UBE2D2: variants seen among roughly 807,000 people sequenced by gnomAD.
UBE2D2 encodes ubiquitin conjugating enzyme E2 D2.
Under a neutral mutation model 24.2 loss-of-function variants are expected in UBE2D2, and 2 were observed. The observed-to-expected ratio is 0.08, with a 90% confidence interval of 0.03 to 0.26. The LOEUF is 0.26. Ranked by LOEUF, UBE2D2 falls within the 10% of genes least tolerant of loss-of-function variation. The pLI, the probability that UBE2D2 is intolerant of heterozygous loss-of-function variation, is 1.00. For missense variants in UBE2D2, 44 were observed against 177.6 expected (o/e 0.25, Z 4.28); for synonymous variants, 58 against 56.5 (o/e 1.03, Z -0.12).
chr5:139,616,189 G>A (rs1273148505), intron 5 of UBE2D2, among the ~76,000 whole-genome samples: 1 of 151,282 alleles, frequency 6.6e-6, no homozygotes, highest in Non-Finnish European at 1.5e-5. Context: ...GCCTGGCACG[G>A]TGGCTCACGC....
chr5:139,591,024 T>A (rs1227408216), intron 1 of UBE2D2, among the ~76,000 whole-genome samples: 2 of 148,420 alleles, frequency 1.3e-5, no homozygotes, highest in African/African-American at 2.5e-5. Flanking sequence ...CTCGAACTCC[T>A]GACCTCAGGT....
At chr5:139,535,290 C>CAA (rs527336000) in intron 1 of UBE2D2, among the ~76,000 whole-genome samples, 5,072 of 76,436 alleles carry the variant, frequency 0.066, 114 homozygotes, top group Middle Eastern at 0.13. Flanking sequence ...ACTAAAAATA[C>CAA]AAAAAAAAAA....
intron 1 of UBE2D2, 42 bp downstream of exon 1, chr5:139,561,857 A>C: frequency 6.8e-7 from 1 of 1,461,670 alleles, no homozygotes; most frequent in Non-Finnish European, 9.0e-7. Context: ...CCAGCTGAGC[A>C]GGCTGCGGCC....
intron 1 of UBE2D2, among the ~76,000 whole-genome samples, chr5:139,579,165 G>T (rs1290409010): frequency 6.6e-6 from 1 of 151,288 alleles, no homozygotes; most frequent in African/African-American, 2.4e-5. Flanking sequence ...AAATTTTTTT[G>T]AGATGGAGTT....
intron 1 of UBE2D2, among the ~76,000 whole-genome samples, chr5:139,586,372 A>G (rs1358542101): frequency 6.6e-6 from 1 of 152,174 alleles, no homozygotes; most frequent in Non-Finnish European, 1.5e-5. Context: ...TAACAGTGAT[A>G]GACCTTATTC....
chr5:139,532,008 T>C (rs74803899), intron 1 of UBE2D2, among the ~76,000 whole-genome samples: 8,875 of 151,718 alleles, frequency 0.058, 301 homozygotes, highest in South Asian at 0.11. Flanking sequence ...TAATTATGCA[T>C]GACCTCATTT....
chr5:139,531,321 G>T lies in UBE2D2; in HGVS notation c.-64+4709G>T, dbSNP rs546571721. 2.0e-5 allele frequency among the ~76,000 whole-genome samples: 3 copies of T among 152,286 alleles called. No individual in the cohort carries two copies. In the South Asian group the frequency reaches 6.2e-4, roughly 32 times the overall value. On this transcript the variant is annotated intron_variant, in intron 1 of 6. Transcript: ENST00000511725. The stretch of plus-strand genomic sequence containing the variant: ...ATAGAAGAACATTGTGAAATTCCCT[G>T]CCCTGTTCTGTTTCTCTCTGACCAC...
chr5:139,624,082 C>T (rs931109920), intron 6 of UBE2D2, among the ~76,000 whole-genome samples: 1 of 152,140 alleles, frequency 6.6e-6, no homozygotes, highest in African/African-American at 2.4e-5. Flanking sequence ...GCCCATTTGC[C>T]TGCCATAGGT....
intron 1 of UBE2D2, among the ~76,000 whole-genome samples, chr5:139,588,248 G>GTT (rs1206193414): frequency 2.0e-5 from 3 of 147,008 alleles, no homozygotes; most frequent in African/African-American, 5.0e-5. Flanking sequence ...CTTGTTTAGC[G>GTT]TTTTTTTTTT....
chr5:139,617,646 T>A (rs1754444360), intron 5 of UBE2D2, among the ~76,000 whole-genome samples: 1 of 152,166 alleles, frequency 6.6e-6, no homozygotes, highest in Non-Finnish European at 1.5e-5. Context: ...TGCATGTATT[T>A]AGACAGGAAG....
intron 1 of UBE2D2, among the ~76,000 whole-genome samples, chr5:139,566,767 A>G (rs62385332): frequency 2.0e-5 from 3 of 152,168 alleles, no homozygotes; most frequent in Non-Finnish European, 4.4e-5. Context: ...AGGGAGCTAG[A>G]AAATGCATGT....
intron 1 of UBE2D2, among the ~76,000 whole-genome samples, chr5:139,576,700 C>T (rs528198457): frequency 1.5e-4 from 23 of 152,024 alleles, no homozygotes; most frequent in Non-Finnish European, 2.8e-4. Flanking sequence ...GTAGATGATA[C>T]TTGATTAAAT....
chr5:139,529,115 A>G (rs1486215349), intron 1 of UBE2D2, among the ~76,000 whole-genome samples: 2 of 152,174 alleles, frequency 1.3e-5, no homozygotes, highest in Non-Finnish European at 2.9e-5. Context: ...AAAGATTGCT[A>G]CAGTCATATT....
At position 139,612,899 on chromosome 5, in the gene UBE2D2, T is replaced by C. The variant is rs150941983; in HGVS notation, c.89-1687T>C. ...AAGTCATCCTCCCATCTCAGCCTCCTGAGTAGGTGGGACTACAGGTGCCCA... is the reference window on the plus strand; with the variant it reads ...AAGTCATCCTCCCATCTCAGCCTCCCGAGTAGGTGGGACTACAGGTGCCCA... On this transcript the variant is annotated intron_variant, in intron 2 of 6. Transcript: ENST00000398733. Among the ~76,000 whole-genome samples the C allele has an allele frequency of 6.9e-3, 1,050 of 152,300 alleles. 6 individuals carry two copies. Among genetic ancestry groups the C allele is most frequent in the Non-Finnish European group, 0.011 (722 of 68,018 alleles).
chr5:139,576,019 T>G (rs1753461380), intron 1 of UBE2D2, among the ~76,000 whole-genome samples: 1 of 152,166 alleles, frequency 6.6e-6, no homozygotes, highest in African/African-American at 2.4e-5. Flanking sequence ...AGATCCTGAC[T>G]CAAAACAAGA....
At chr5:139,571,888 A>G (rs1333646469) in intron 1 of UBE2D2, among the ~76,000 whole-genome samples, 1 of 150,990 alleles carries the variant, frequency 6.6e-6, no homozygotes, top group Non-Finnish European at 1.5e-5. Context: ...CTTCTCCACT[A>G]ACTCCTCTTA....
chr5:139,624,446 T>C (rs533498505), intron 6 of UBE2D2, among the ~76,000 whole-genome samples: 59 of 152,288 alleles, frequency 3.9e-4, no homozygotes, highest in Non-Finnish European at 6.5e-4. Context: ...ATCTGTTTTA[T>C]GTAGTATTCA....
Position 139,627,822 on chromosome 5 carries a change from A to T in UBE2D2, c.*1021A>T, listed in dbSNP as rs1344446829. 3 of 152,690 alleles carry T rather than the reference A, an allele frequency of 2.0e-5. No homozygotes were observed. The East Asian group carries it at 5.8e-4, about 29-fold the overall frequency. 9.5% of individuals were successfully genotyped at this position (152,690 alleles called of 1,614,324 possible). A position where few individuals can be genotyped will look rare whatever the true frequency, so the allele number is the denominator to read the frequency against. On this transcript the variant is annotated 3_prime_UTR_variant, in exon 7 of 7. Transcript: ENST00000398733. ...AAGATCATGAAACAATTCCAGTTAC[A>T]TTGTAAAAAGGATATCTTACGAGTA... is the stretch of plus-strand genomic sequence containing the variant.
At chr5:139,566,480 C>G (rs1292262234) in intron 1 of UBE2D2, among the ~76,000 whole-genome samples, 1 of 151,988 alleles carries the variant, frequency 6.6e-6, no homozygotes, top group Non-Finnish European at 1.5e-5. Flanking sequence ...TCGAGACCAG[C>G]CTGAGCAACA....
Sources: allele counts gnomAD v4.1 joint callset (sites outside exome capture counted in the v4.1 genomes callset), GRCh38; gene constraint gnomAD v4.1.1; transcripts MANE v1.5; gene names NCBI Gene and HGNC (gene_info 2026-07-23, HGNC 2026-07-21).